DMD: variants seen among roughly 807,000 people sequenced by gnomAD.
The protein encoded by DMD is dystrophin, also known as mutant dystrophin.
In DMD, 63 loss-of-function variants were observed where a neutral mutation model predicts 330.1. The observed-to-expected ratio is 0.19, with a 90% CI of 0.16 to 0.24. DMD has a LOEUF of 0.24. Among genes scored for constraint, DMD ranks in the 10% least tolerant of loss-of-function variants. DMD has a pLI of 1.00. For synonymous variants in DMD, 1,223 were observed against 959.8 expected (o/e 1.27, Z -5.07); for missense variants, 3,344 against 2,684.1 (o/e 1.25, Z -5.43).
intron 2 of DMD, among the ~76,000 whole-genome samples, chrX:32,862,059 C>T (rs1056124390): frequency 1.8e-5 from 2 of 111,367 alleles, no homozygotes; most frequent in Admixed American, 9.6e-5. Flanking sequence ...GTTTTGTGGA[C>T]CTTAGCAGAT....
chrX:31,178,315 C>T (rs2040766187), intron 70 of DMD: 3 of 981,480 alleles, frequency 3.1e-6, no homozygotes, highest in South Asian at 3.3e-5. Context: ...AAAAGACACA[C>T]ATTTACTGAT....
Position 32,844,390 on chromosome X carries a change from G to T in DMD, c.264+393C>A, listed in dbSNP as rs776186744. On this transcript the variant is annotated intron_variant, in intron 4 of 78. Coordinates refer to ENST00000357033, the MANE Select transcript of DMD (RefSeq NM_004006.3). The stretch of plus-strand genomic sequence containing the variant: ...CACTGCACTCCAGCCTGGGACAGAA[G>T]AGCGAGACTCCATCTCAAAAAAAAA... Among the ~76,000 whole-genome samples, 148 of 92,641 alleles carry T rather than the reference G, an allele frequency of 1.6e-3. 1 individual carries two copies. Among genetic ancestry groups the T allele is most frequent in the Non-Finnish European group, 2.6e-3 (126 of 47,967 alleles). The allele number at this position is 92,641 out of a possible 115,157, so 80.4% of individuals were successfully genotyped here.
chrX:31,481,561 T>C (rs1041412393), intron 57 of DMD, among the ~76,000 whole-genome samples: 4 of 111,521 alleles, frequency 3.6e-5, no homozygotes, highest in Non-Finnish European at 5.7e-5. Flanking sequence ...CTAGGTTGAG[T>C]AGATGAGCAA....
At chrX:32,569,849 G>A (rs1189216118) in intron 15 of DMD, among the ~76,000 whole-genome samples, 2 of 111,120 alleles carry the variant, frequency 1.8e-5, no homozygotes, top group African/African-American at 6.5e-5. Flanking sequence ...CCCCACAGCA[G>A]AAATACATTT....
chrX:33,256,983 C>T lies in DMD; in HGVS notation c.7+82276G>A, dbSNP rs5971702. On this transcript the variant is annotated intron_variant, in intron 1 of 17. Coordinates refer to the DMD transcript ENST00000288447. The stretch of plus-strand genomic sequence containing the variant: ...ACACATCTTGAACAATTCTAGTCAC[C>T]ATTTTACGATATGTGCAAAAATTCA... Among the ~76,000 whole-genome samples, 536 of 110,364 alleles carry T rather than the reference C, an allele frequency of 4.9e-3. 1 individual carries two copies. The highest frequency in any genetic ancestry group is 0.014 in the Middle Eastern group (3 of 212).
At chrX:31,437,606 A>G (rs2064628806) in intron 60 of DMD, among the ~76,000 whole-genome samples, 1 of 111,152 alleles carries the variant, frequency 9.0e-6, no homozygotes, top group East Asian at 2.8e-4. Flanking sequence ...AACACTGCCC[A>G]TTGTTGTAGC....
intron 1 of DMD, among the ~76,000 whole-genome samples, chrX:33,286,775 C>T (rs745824877): frequency 8.9e-6 from 1 of 112,136 alleles, no homozygotes; most frequent in Non-Finnish European, 1.9e-5. Flanking sequence ...GGCTGTTCAG[C>T]CTCTAATTGT....
chrX:31,322,213 C>A (rs779060809), intron 62 of DMD, among the ~76,000 whole-genome samples: 20 of 111,530 alleles, frequency 1.8e-4, no homozygotes, highest in African/African-American at 6.5e-4. Flanking sequence ...ACATCTTAGT[C>A]GGAAATAAAA....
Position 31,405,263 on chromosome X carries a change from G to C in DMD, c.9084+39218C>G, listed in dbSNP as rs1357072200. ...TAACCATTCGTATCAGATGGATACA[G>C]AACAATCAGGCACAGGCAATGAAAA... On this transcript the variant is annotated intron_variant, in intron 60 of 78. Coordinates refer to ENST00000357033, the MANE Select transcript of DMD (RefSeq NM_004006.3). Among the ~76,000 whole-genome samples the C allele has an allele frequency of 4.5e-5, 5 of 112,165 alleles. No individual in the cohort carries two copies. In the East Asian group the frequency reaches 1.4e-3, roughly 31 times the overall value.
chrX:33,275,350 A>G (rs1214370160), intron 1 of DMD, among the ~76,000 whole-genome samples: 2 of 111,495 alleles, frequency 1.8e-5, no homozygotes, highest in Non-Finnish European at 3.8e-5. Flanking sequence ...GTTAACACGA[A>G]CTTTAAGCCC....
intron 1 of DMD, among the ~76,000 whole-genome samples, chrX:33,093,941 T>C (rs2095119679): frequency 8.9e-6 from 1 of 111,863 alleles, no homozygotes; most frequent in African/African-American, 3.2e-5. Flanking sequence ...TGATTTTTTA[T>C]GAAAGTTCAG....
intron 17 of DMD, among the ~76,000 whole-genome samples, chrX:32,531,414 A>G (rs759721327): frequency 8.9e-6 from 1 of 111,937 alleles, no homozygotes; most frequent in African/African-American, 3.2e-5. Context: ...TCGTACTCTA[A>G]AAATCTGCTT....
chrX:31,566,338 A>G (rs1158108973), intron 55 of DMD, among the ~76,000 whole-genome samples: 1 of 111,596 alleles, frequency 9.0e-6, no homozygotes, highest in East Asian at 2.8e-4. Context: ...CTGCAGGACC[A>G]TTTGTTGAAA....
intron 41 of DMD, among the ~76,000 whole-genome samples, chrX:32,313,004 G>A (rs139628237): frequency 0.017 from 1,580 of 93,490 alleles, 40 homozygotes; most frequent in African/African-American, 0.058. Context: ...TTCTACCAGA[G>A]ATACAAAGAG....
chrX:31,256,562 C>G (rs886917748), intron 63 of DMD, among the ~76,000 whole-genome samples: 2 of 110,665 alleles, frequency 1.8e-5, no homozygotes, highest in African/African-American at 3.3e-5. Context: ...TGTTTTTTAT[C>G]TATTTTTTAA....
chrX:33,004,123 T>C (rs2093346379), intron 2 of DMD, among the ~76,000 whole-genome samples: 1 of 111,587 alleles, frequency 9.0e-6, no homozygotes, highest in Non-Finnish European at 1.9e-5. Context: ...GGAAAATATA[T>C]GAGTATGAAC....
chrX:31,886,062 T>A (rs750592896), intron 47 of DMD, among the ~76,000 whole-genome samples: 1 of 111,161 alleles, frequency 9.0e-6, no homozygotes, highest in East Asian at 2.9e-4. Flanking sequence ...TTAAAAATAA[T>A]AATAGGGAAT....
At chrX:31,484,652 A>G (rs1306404333) in intron 57 of DMD, among the ~76,000 whole-genome samples, 1 of 112,160 alleles carries the variant, frequency 8.9e-6, no homozygotes, top group Non-Finnish European at 1.9e-5. Flanking sequence ...ATAAACTTAT[A>G]TGAAGTATGC....
chrX:31,561,398 G>A (rs2075188867), intron 55 of DMD, among the ~76,000 whole-genome samples: 1 of 111,378 alleles, frequency 9.0e-6, no homozygotes, highest in African/African-American at 3.3e-5. Flanking sequence ...GAGGTATCCT[G>A]TTCATTGGAG....
Sources: gnomAD v4.1 joint callset for allele counts (sites outside exome capture counted in the v4.1 genomes callset) on GRCh38, gnomAD v4.1.1 for gene constraint, MANE v1.5 for transcripts, NCBI Gene and HGNC (gene_info 2026-07-23, HGNC 2026-07-21) for gene names.